UNC13C: variants seen among roughly 807,000 people sequenced by gnomAD.
UNC13C encodes unc-13 homolog C.
UNC13C carries 174 observed loss-of-function variants against 245.4 expected under a neutral mutation model. The observed-to-expected ratio is 0.71, with a 90% CI of 0.63 to 0.80. The LOEUF is 0.80. UNC13C is among the 30% of genes least tolerant of loss of function. The pLI is 0.00. For synonymous variants in UNC13C, 992 were observed against 895.1 expected, an observed-to-expected ratio of 1.11 and a Z score of -1.93; for missense variants, 2,829 against 2,602.9, an observed-to-expected ratio of 1.09 and a Z score of -1.89.
chr15:53,965,494 T>A, the UNC13C span, among the ~76,000 whole-genome samples: 1 of 151,636 alleles, frequency 6.6e-6, no homozygotes, highest in South Asian at 2.1e-4. Context: ...AATATTTAAA[T>A]GTTGAATTTA....
the UNC13C span, among the ~76,000 whole-genome samples, chr15:53,871,108 G>A: frequency 2.0e-5 from 3 of 152,146 alleles, no homozygotes; most frequent in Admixed American, 6.5e-5. Flanking sequence ...ATTGCTGTGT[G>A]TGGCCCTTGA....
rs543932080 is a variant in UNC13C, at chr15:54,228,324, A to G, written c.3072-6706A>G. Among the ~76,000 whole-genome samples the G allele has an allele frequency of 2.5e-3, 383 of 152,224 alleles. 2 individuals are homozygous for G. The highest frequency in any genetic ancestry group is 8.9e-3 in the African/African-American group (371 of 41,540). On this transcript the variant is annotated intron_variant, in intron 4 of 32. Coordinates refer to ENST00000260323, the MANE Select transcript of UNC13C (RefSeq NM_001080534.3). Reference sequence around the variant, plus strand: ...CCAAGGCATGGAATCAGGGACCCCAAGAACTCTGGGTGCTGTACCCCACTG... The same window carrying G: ...CCAAGGCATGGAATCAGGGACCCCAGGAACTCTGGGTGCTGTACCCCACTG...
At chr15:54,087,867 T>C (rs764113561) in intron 2 of UNC13C, among the ~76,000 whole-genome samples, 3 of 152,220 alleles carry the variant, frequency 2.0e-5, no homozygotes, top group Non-Finnish European at 4.4e-5. Flanking sequence ...ATCAATAATT[T>C]CCACTTCTAA....
the UNC13C span, among the ~76,000 whole-genome samples, chr15:53,898,503 A>C: frequency 2.6e-5 from 4 of 152,158 alleles, no homozygotes; most frequent in East Asian, 7.7e-4. Flanking sequence ...CATTTCCCCA[A>C]ACAGTAGCCT....
At chr15:54,459,910 C>A (rs1361437176) in intron 19 of UNC13C, among the ~76,000 whole-genome samples, 1 of 151,996 alleles carries the variant, frequency 6.6e-6, no homozygotes, top group Admixed American at 6.6e-5. Context: ...TCAGAGATTT[C>A]TTCTTGGTTT....
chr15:53,963,161 C>T, the UNC13C span, among the ~76,000 whole-genome samples: 4 of 152,230 alleles, frequency 2.6e-5, no homozygotes, highest in South Asian at 2.1e-4. Flanking sequence ...ATAAGAAAGG[C>T]TGAGGTTTAC....
intron 2 of UNC13C, among the ~76,000 whole-genome samples, chr15:54,035,928 T>C (rs986263229): frequency 6.6e-6 from 1 of 152,126 alleles, no homozygotes; most frequent in South Asian, 2.1e-4. Flanking sequence ...GATATGGTCA[T>C]ACATTTCTGT....
At chr15:54,117,686 G>A (rs2030367183) in intron 2 of UNC13C, among the ~76,000 whole-genome samples, 1 of 151,974 alleles carries the variant, frequency 6.6e-6, no homozygotes, top group African/African-American at 2.4e-5. Context: ...GCACAAGTGA[G>A]TCTCCTGCCT....
chr15:53,960,686 G>T, the UNC13C span, among the ~76,000 whole-genome samples: 4 of 152,018 alleles, frequency 2.6e-5, no homozygotes, highest in Admixed American at 6.6e-5. Flanking sequence ...CTTTTGGAGG[G>T]TGGAGCATCA....
chr15:53,837,720 G>A, the UNC13C span, among the ~76,000 whole-genome samples: 1 of 152,194 alleles, frequency 6.6e-6, no homozygotes, highest in Middle Eastern at 3.4e-3. Flanking sequence ...AAATTTCACT[G>A]GAATTGATTT....
chr15:54,553,425 TATATA>T (rs1280973271), intron 28 of UNC13C, among the ~76,000 whole-genome samples: 1 of 133,592 alleles, frequency 7.5e-6, no homozygotes, highest in Non-Finnish European at 1.6e-5. Flanking sequence ...TATAATATTA[TATATA>T]ATATATAATA....
At chr15:54,415,368 A>G (rs547584923) in intron 19 of UNC13C, among the ~76,000 whole-genome samples, 1 of 152,302 alleles carries the variant, frequency 6.6e-6, no homozygotes, top group East Asian at 1.9e-4. Context: ...AAAGCAGGCC[A>G]TATTGAGGGG....
At chr15:53,841,652 A>T in the UNC13C span, among the ~76,000 whole-genome samples, 1 of 152,166 alleles carries the variant, frequency 6.6e-6, no homozygotes, top group Non-Finnish European at 1.5e-5. Context: ...GAGGAATAGA[A>T]AGTTTATGAT....
At chr15:54,423,672 G>A (rs922257763) in intron 19 of UNC13C, among the ~76,000 whole-genome samples, 3 of 151,838 alleles carry the variant, frequency 2.0e-5, no homozygotes, top group African/African-American at 4.8e-5. Flanking sequence ...TATAGTAAGA[G>A]TTCAATCAAG....
chr15:54,611,262 C>T (rs933339990), intron 30 of UNC13C, among the ~76,000 whole-genome samples: 2 of 152,074 alleles, frequency 1.3e-5, no homozygotes, highest in Non-Finnish European at 2.9e-5. Flanking sequence ...ATTGATAGAA[C>T]AATTTCTAAA....
At chr15:54,260,252 T>C (rs1427458628) in intron 8 of UNC13C, among the ~76,000 whole-genome samples, 1 of 152,160 alleles carries the variant, frequency 6.6e-6, no homozygotes, top group Non-Finnish European at 1.5e-5. Flanking sequence ...CTGTTAGAAA[T>C]ATTTACACCA....
rs1005686323 is a variant in UNC13C, at chr15:54,404,800, T to C, written c.4848-10182T>C. Among the ~76,000 whole-genome samples the C allele has an allele frequency of 1.1e-4, 16 of 152,150 alleles. 2 individuals carry two copies. The highest frequency in any genetic ancestry group is 9.8e-4 in the Admixed American group (15 of 15,272). On this transcript the variant is annotated intron_variant, in intron 18 of 32. Coordinates refer to ENST00000260323, the MANE Select transcript of UNC13C (RefSeq NM_001080534.3). Reference sequence around the variant, plus strand: ...GCTTCTATCACAGTTAGGAATTTATTTGTAGTTAATGTATGAATTGTTAGT... The same window carrying C: ...GCTTCTATCACAGTTAGGAATTTATCTGTAGTTAATGTATGAATTGTTAGT...
At position 54,055,884 on chromosome 15, in the gene UNC13C, C is replaced by A. The variant is rs186734190; in HGVS notation, c.2983+39998C>A. ...ATTGACAGCTGGAAATTTCAGGACACCTGATGATGAAAGAAGAAAAATACT... is the reference window on the plus strand; with the variant it reads ...ATTGACAGCTGGAAATTTCAGGACAACTGATGATGAAAGAAGAAAAATACT... On this transcript the variant is annotated intron_variant, in intron 2 of 32. Transcript: ENST00000260323. Among the ~76,000 whole-genome samples the A allele has an allele frequency of 2.6e-5, 4 of 152,120 alleles. No homozygotes were observed. The East Asian group carries it at 7.7e-4, about 29-fold the overall frequency.
intron 2 of UNC13C, among the ~76,000 whole-genome samples, chr15:54,118,990 A>G (rs184851620): frequency 7.4e-4 from 111 of 150,576 alleles, no homozygotes; most frequent in Middle Eastern, 7.0e-3. Flanking sequence ...CTAGGAATAA[A>G]TCCCACTTGA....
Sources: gnomAD v4.1 joint callset for allele counts (sites outside exome capture counted in the v4.1 genomes callset) on GRCh38, gnomAD v4.1.1 for gene constraint, MANE v1.5 for transcripts, NCBI Gene and HGNC (gene_info 2026-07-23, HGNC 2026-07-21) for gene names.